Variants in STRN3 observed in about 807,000 individuals in gnomAD.
STRN3 encodes the protein striatin-3.
A neutral mutation model predicts 95.6 loss-of-function variants in STRN3; 29 were observed. That is an observed-to-expected ratio of 0.30 (90% CI 0.23 to 0.41). STRN3 has a LOEUF of 0.41. Among genes scored for constraint, STRN3 ranks in the 10% least tolerant of loss-of-function variants. The probability of loss-of-function intolerance (pLI) is 1.00; values close to 1 mark genes in which losing one functional copy is unlikely to be tolerated. For missense variants in STRN3, 890 were observed against 972.1 expected (o/e 0.92, Z 1.12); for synonymous variants, 331 against 357.6 (o/e 0.93, Z 0.84).
intron 1 of STRN3, among the ~76,000 whole-genome samples, chr14:30,998,070 C>G (rs147199049): frequency 9.2e-5 from 14 of 152,186 alleles, no homozygotes; most frequent in Non-Finnish European, 2.1e-4. Flanking sequence ...AATCCAATAG[C>G]CCACAGTCAC....
intron 1 of STRN3, among the ~76,000 whole-genome samples, chr14:30,963,919 C>A (rs536383784): frequency 4.6e-5 from 7 of 152,102 alleles, no homozygotes; most frequent in East Asian, 1.9e-4. Context: ...GTAAGCAATG[C>A]GCAGGGGGGA....
At chr14:30,918,646 T>C (rs1896802435) in intron 9 of STRN3, among the ~76,000 whole-genome samples, 1 of 152,210 alleles carries the variant, frequency 6.6e-6, no homozygotes, top group Admixed American at 6.5e-5. Flanking sequence ...ATATGTATTA[T>C]TTTAAGTTTG....
chr14:30,948,985 G>C (rs1241006832), intron 4 of STRN3, among the ~76,000 whole-genome samples: 1 of 152,204 alleles, frequency 6.6e-6, no homozygotes, highest in African/African-American at 2.4e-5. Flanking sequence ...GCAATTATTT[G>C]ATCAGTCAGG....
At position 30,918,965 on chromosome 14, in the gene STRN3, C is replaced by T. The variant is rs776004462; in HGVS notation, c.1240+1G>A. 2 of 1,562,996 alleles carry T rather than the reference C, an allele frequency of 1.3e-6. No individual in the cohort carries two copies. Among genetic ancestry groups the T allele is most frequent in the Non-Finnish European group, 1.7e-6 (2 of 1,153,138 alleles). On this transcript the variant is annotated splice_donor_variant, in intron 9 of 17. Transcript: ENST00000357479. LOFTEE classifies it high-confidence loss of function. Reference sequence around the variant, plus strand: ...ATAAACATGGTAGCTAAATTTTGTACCTTCCTCTGCTCTTGCACCTTCATG... The same window carrying T: ...ATAAACATGGTAGCTAAATTTTGTATCTTCCTCTGCTCTTGCACCTTCATG...
At chr14:30,946,386 T>TA (rs763316826) in intron 5 of STRN3, among the ~76,000 whole-genome samples, 2 of 150,772 alleles carry the variant, frequency 1.3e-5, no homozygotes, top group Non-Finnish European at 3.0e-5. Flanking sequence ...CCACAAAAAA[T>TA]AAAAAAAATT....
intron 9 of STRN3, among the ~76,000 whole-genome samples, chr14:30,916,861 G>A (rs1197222500): frequency 3.3e-5 from 5 of 152,112 alleles, no homozygotes; most frequent in Non-Finnish European, 5.9e-5. Context: ...TCCTTTTGAT[G>A]GACACTTATG....
At chr14:30,965,140 A>AG (rs1274285673) in intron 1 of STRN3, among the ~76,000 whole-genome samples, 1 of 152,194 alleles carries the variant, frequency 6.6e-6, no homozygotes, top group African/African-American at 2.4e-5. Context: ...ACTAGTCACT[A>AG]GTTCACTAGT....
chr14:30,960,104 C>G (rs927571388), intron 1 of STRN3, among the ~76,000 whole-genome samples: 2 of 152,114 alleles, frequency 1.3e-5, no homozygotes, highest in Non-Finnish European at 2.9e-5. Context: ...GCCTATAATC[C>G]TAGCACTCTG....
chr14:31,013,900 TTATTATTA>T (rs1883109176), intron 1 of STRN3, among the ~76,000 whole-genome samples: 3 of 126,194 alleles, frequency 2.4e-5, no homozygotes, highest in Non-Finnish European at 5.6e-5. Flanking sequence ...ATTATTATTA[TTATTATTA>T]TTATTATTAT....
At chr14:30,986,204 T>C (rs1454205276) in intron 1 of STRN3, among the ~76,000 whole-genome samples, 1 of 152,182 alleles carries the variant, frequency 6.6e-6, no homozygotes, top group Non-Finnish European at 1.5e-5. Context: ...GAGGGACAGG[T>C]ATGCTTCTAA....
chr14:31,008,190 CAAAAA>C (rs759461852), intron 1 of STRN3, among the ~76,000 whole-genome samples: 1 of 149,862 alleles, frequency 6.7e-6, no homozygotes, highest in African/African-American at 2.5e-5. Flanking sequence ...GACTCCGTCT[CAAAAA>C]AAAAAGAAAA....
intron 1 of STRN3, among the ~76,000 whole-genome samples, chr14:30,999,085 G>A (rs1882327937): frequency 6.6e-6 from 1 of 152,224 alleles, no homozygotes; most frequent in Non-Finnish European, 1.5e-5. Flanking sequence ...TTTAGAGACA[G>A]GGTCTCACTC....
intron 1 of STRN3, among the ~76,000 whole-genome samples, chr14:30,986,156 G>A (rs1881682094): frequency 6.6e-6 from 1 of 152,154 alleles, no homozygotes; most frequent in Non-Finnish European, 1.5e-5. Flanking sequence ...CCTTCCATTT[G>A]GAAAACATGT....
chr14:31,005,451 C>G (rs1230341961), intron 1 of STRN3, among the ~76,000 whole-genome samples: 12 of 152,184 alleles, frequency 7.9e-5, no homozygotes. Flanking sequence ...GAGTAGCTAC[C>G]TGTGGAAATA....
intron 1 of STRN3, among the ~76,000 whole-genome samples, chr14:30,996,529 CTGGGTT>C (rs1256288757): frequency 6.6e-6 from 1 of 152,160 alleles, no homozygotes; most frequent in Non-Finnish European, 1.5e-5. Flanking sequence ...AGGTCAAGAA[CTGGGTT>C]TGGCCTGTAA....
At chr14:30,915,470 C>G (rs1354318588) in intron 9 of STRN3, among the ~76,000 whole-genome samples, 1 of 152,126 alleles carries the variant, frequency 6.6e-6, no homozygotes, top group East Asian at 1.9e-4. Flanking sequence ...AGTATTTAAT[C>G]TTTCAATGAT....
chr14:31,014,086 G>A (rs1883122631), intron 1 of STRN3, among the ~76,000 whole-genome samples: 2 of 151,702 alleles, frequency 1.3e-5, no homozygotes, highest in African/African-American at 4.8e-5. Flanking sequence ...TAAATTTCTT[G>A]TAGAGACAGG....
chr14:30,962,923 C>T (rs1880283233), intron 1 of STRN3, among the ~76,000 whole-genome samples: 1 of 152,054 alleles, frequency 6.6e-6, no homozygotes, highest in Admixed American at 6.6e-5. Flanking sequence ...AGTACAGTAA[C>T]ATGCTATACA....
chr14:30,978,563 G>C (rs1026942743), intron 1 of STRN3, among the ~76,000 whole-genome samples: 8 of 152,308 alleles, frequency 5.3e-5, no homozygotes, highest in Admixed American at 2.6e-4. Flanking sequence ...AAGAAGGCAA[G>C]GATCTCCTCT....
Sources: gnomAD v4.1 joint callset for allele counts (sites outside exome capture counted in the v4.1 genomes callset) on GRCh38, gnomAD v4.1.1 for gene constraint, MANE v1.5 for transcripts, NCBI Gene and HGNC (gene_info 2026-07-23, HGNC 2026-07-21) for gene names.